The following R3HDM1 variants were observed in gnomAD, a reference collection of about 807,000 sequenced individuals.
R3HDM1 encodes the protein R3H domain containing 1.
In R3HDM1, 46 loss-of-function variants were observed where a neutral mutation model predicts 141.1. The observed-to-expected ratio is 0.33, with a 90% CI of 0.26 to 0.42. The LOEUF (loss-of-function observed/expected upper bound fraction) is 0.42. R3HDM1 is among the 10% of genes least tolerant of loss of function. R3HDM1 has a pLI of 1.00. For synonymous variants in R3HDM1, 435 were observed against 472.9 expected (o/e 0.92, Z 1.04); for missense variants, 1,184 against 1,368.3 (o/e 0.87, Z 2.12).
intron 7 of R3HDM1, among the ~76,000 whole-genome samples, chr2:135,629,402 G>C (rs2062405301): frequency 6.6e-6 from 1 of 152,024 alleles, no homozygotes; most frequent in Non-Finnish European, 1.5e-5. Context: ...ACTTTAGGAA[G>C]TAAAAATTCT....
At chr2:135,688,753 T>G (rs2071814283) in intron 21 of R3HDM1, among the ~76,000 whole-genome samples, 1 of 152,128 alleles carries the variant, frequency 6.6e-6, no homozygotes, top group Non-Finnish European at 1.5e-5. Flanking sequence ...CTGGCCAACA[T>G]GGTGAAACAC....
chr2:135,582,578 A>C (rs1252008176), intron 1 of R3HDM1, among the ~76,000 whole-genome samples: 1 of 152,282 alleles, frequency 6.6e-6, no homozygotes, highest in East Asian at 1.9e-4. Context: ...TACTCAGTAC[A>C]GGGTGCAGGG....
At chr2:135,550,051 T>G in intron 1 of R3HDM1, 1 of 983,862 alleles carries the variant, frequency 1.0e-6, no homozygotes, top group Non-Finnish European at 1.2e-6. Context: ...AGACCCAAGT[T>G]TAAAATCTTT....
At chr2:135,559,052 T>A (rs1456619068) in intron 1 of R3HDM1, 56 of 368,788 alleles carry the variant, frequency 1.5e-4, no homozygotes, top group South Asian at 2.7e-4. Context: ...TTCCACAAAG[T>A]GTGTGTGTGT....
At chr2:135,534,648 A>T (rs1486415299) in intron 1 of R3HDM1, among the ~76,000 whole-genome samples, 1 of 152,236 alleles carries the variant, frequency 6.6e-6, no homozygotes. Flanking sequence ...ATGCAAAATA[A>T]CGAGGTGAGG....
intron 1 of R3HDM1, among the ~76,000 whole-genome samples, chr2:135,576,379 TAAAAA>T (rs745371609): frequency 2.0e-5 from 3 of 150,264 alleles, no homozygotes; most frequent in Non-Finnish European, 4.4e-5. Flanking sequence ...AAAAAAAAAA[TAAAAA>T]AAAGTGTTAA....
chr2:135,575,707 T>TA (rs1169138297), intron 1 of R3HDM1, among the ~76,000 whole-genome samples: 1 of 152,166 alleles, frequency 6.6e-6, no homozygotes, highest in Non-Finnish European at 1.5e-5. Context: ...ATTAAATACT[T>TA]ATTAAACATA....
intron 18 of R3HDM1, among the ~76,000 whole-genome samples, chr2:135,657,737 C>G (rs1461848019): frequency 1.3e-5 from 2 of 152,284 alleles, no homozygotes; most frequent in Admixed American, 1.3e-4. Context: ...TACCCACATA[C>G]TTCTGTAATA....
intron 9 of R3HDM1, among the ~76,000 whole-genome samples, chr2:135,634,223 A>G (rs929089883): frequency 1.3e-5 from 2 of 152,194 alleles, no homozygotes; most frequent in South Asian, 2.1e-4. Context: ...GTATTTTACA[A>G]TAGAAATTTC....
rs541133845 is a variant in R3HDM1 at position 135,594,628 on chromosome 2, G to A, written c.-249-7872G>A. Among the ~76,000 whole-genome samples the A allele has an allele frequency of 8.1e-4, 124 of 152,242 alleles. 1 individual carries two copies. The highest frequency in any genetic ancestry group is 2.6e-3 in the African/African-American group (110 of 41,544). On this transcript the variant is annotated intron_variant, in intron 1 of 26. Transcript: ENST00000683871. ...TAGCAAATAGGTTCGGGGTAAAAAA[G>A]AAGAAATTTATTAGGTATGAATTCC...
chr2:135,654,969 G>A (rs1436960994), intron 18 of R3HDM1, among the ~76,000 whole-genome samples: 1 of 151,734 alleles, frequency 6.6e-6, no homozygotes, highest in African/African-American at 2.4e-5. Flanking sequence ...TGTCAGATAA[G>A]TGATATGCAA....
At chr2:135,584,046 A>G (rs1227842251) in intron 1 of R3HDM1, 18 of 985,270 alleles carry the variant, frequency 1.8e-5, no homozygotes, top group Non-Finnish European at 2.2e-5. Flanking sequence ...CTCAAATTTC[A>G]GCTGGGCATG....
At chr2:135,720,259 T>C (rs966047584) in intron 24 of R3HDM1, among the ~76,000 whole-genome samples, 1 of 152,218 alleles carries the variant, frequency 6.6e-6, no homozygotes, top group Non-Finnish European at 1.5e-5. Flanking sequence ...ATGTCATGCA[T>C]ATGTCCTGCC....
At chr2:135,696,636 T>C (rs2073289909) in intron 21 of R3HDM1, among the ~76,000 whole-genome samples, 1 of 151,972 alleles carries the variant, frequency 6.6e-6, no homozygotes, top group Non-Finnish European at 1.5e-5. Flanking sequence ...GGACTACAGG[T>C]GCACGCCACC....
At chr2:135,676,579 G>A (rs921588626) in intron 20 of R3HDM1, among the ~76,000 whole-genome samples, 1 of 152,196 alleles carries the variant, frequency 6.6e-6, no homozygotes, top group African/African-American at 2.4e-5. Context: ...GAGAGGCCAA[G>A]GTGGGTGGAT....
rs1279889452 is a variant in R3HDM1, at chr2:135,717,399, G to T, written c.2881+1705G>T. Reference sequence around the variant, plus strand: ...CTTGGGAGGCTAAGGCAGGAGAATTGCTTGAACTCGGGAGGCAGAGGTTGC... The same window carrying T: ...CTTGGGAGGCTAAGGCAGGAGAATTTCTTGAACTCGGGAGGCAGAGGTTGC... On this transcript the variant is annotated intron_variant, in intron 24 of 26. Coordinates refer to ENST00000683871, the MANE Select transcript of R3HDM1 (RefSeq NM_001378107.1). Among the ~76,000 whole-genome samples, 4 of 151,522 alleles carry T rather than the reference G, an allele frequency of 2.6e-5. No individual in the cohort carries two copies. In the East Asian group the frequency reaches 7.8e-4, roughly 30 times the overall value.
intron 21 of R3HDM1, among the ~76,000 whole-genome samples, chr2:135,686,440 G>A (rs945479227): frequency 6.6e-6 from 1 of 152,184 alleles, no homozygotes; most frequent in Non-Finnish European, 1.5e-5. Context: ...TCAATTGGTG[G>A]ATGAGTGGAT....
chr2:135,717,100 T>C (rs1183166596), intron 24 of R3HDM1, among the ~76,000 whole-genome samples: 1 of 152,120 alleles, frequency 6.6e-6, no homozygotes, highest in African/African-American at 2.4e-5. Flanking sequence ...CATCAGTCAT[T>C]ATAGAAATGA....
intron 1 of R3HDM1, among the ~76,000 whole-genome samples, chr2:135,534,931 G>C (rs1041957721): frequency 6.6e-6 from 1 of 152,144 alleles, no homozygotes; most frequent in Non-Finnish European, 1.5e-5. Context: ...ATTGGTAGCA[G>C]TTTTGTTTTT....
Sources: gnomAD v4.1 joint callset for allele counts (sites outside exome capture counted in the v4.1 genomes callset) on GRCh38, gnomAD v4.1.1 for gene constraint, MANE v1.5 for transcripts, NCBI Gene and HGNC (gene_info 2026-07-23, HGNC 2026-07-21) for gene names.